The following EYA4 variants were observed in gnomAD, a reference collection of about 807,000 sequenced individuals.
EYA4 encodes EYA transcriptional coactivator and phosphatase 4.
A neutral mutation model predicts 87.9 loss-of-function variants in EYA4; 31 were observed. The ratio of observed to expected loss-of-function variants is 0.35; its 90% CI spans 0.27 to 0.48. EYA4 has a LOEUF of 0.48. Ranked by LOEUF, EYA4 falls within the 20% of genes least tolerant of loss-of-function variation. EYA4 has a pLI of 0.99. For synonymous variants in EYA4, 263 were observed against 270.6 expected (o/e 0.97, Z 0.28); for missense variants, 678 against 761.4 (o/e 0.89, Z 1.29).
chr6:133,249,428 C>T (rs1774700910), intron 1 of EYA4, among the ~76,000 whole-genome samples: 1 of 152,198 alleles, frequency 6.6e-6, no homozygotes, highest in Admixed American at 6.5e-5. Context: ...CACATTTGTT[C>T]ATGATTTTTA....
At chr6:133,253,039 G>C (rs1775049777) in intron 1 of EYA4, among the ~76,000 whole-genome samples, 1 of 151,708 alleles carries the variant, frequency 6.6e-6, no homozygotes, top group Non-Finnish European at 1.5e-5. Flanking sequence ...ATTTTGAAAT[G>C]TGTGCTTAGG....
rs72318662 is a variant in EYA4 at position 133,515,622 on chromosome 6, AGTGTGT to A, written c.1616+216_1616+221del. On this transcript the variant is annotated intron_variant, in intron 17 of 19. Coordinates refer to ENST00000355286, the MANE Select transcript of EYA4 (RefSeq NM_004100.5). The stretch of plus-strand genomic sequence containing the variant: ...GAGAGAGAGAGAGAGTGTGTGTGTG[AGTGTGT>A]GTGTGTGTGTGTGTGTGTGTGTGTG... 0.082 allele frequency among the ~76,000 whole-genome samples: 12,030 copies of A among 146,576 alleles called. 877 individuals are homozygous for A. The highest frequency in any genetic ancestry group is 0.2 in the African/African-American group (8,203 of 40,146).
intron 3 of EYA4, among the ~76,000 whole-genome samples, chr6:133,392,499 G>A (rs555695320): frequency 1.3e-5 from 2 of 152,206 alleles, no homozygotes; most frequent in Non-Finnish European, 2.9e-5. Context: ...CAGATCAACC[G>A]TGACTCAGGT....
At chr6:133,397,291 A>T (rs1787886183) in intron 3 of EYA4, among the ~76,000 whole-genome samples, 2 of 152,214 alleles carry the variant, frequency 1.3e-5, no homozygotes, top group South Asian at 4.1e-4. Context: ...AATAAGCTCC[A>T]GATCCTGAAT....
chr6:133,322,245 A>C (rs1389153253), intron 2 of EYA4, among the ~76,000 whole-genome samples: 1 of 152,210 alleles, frequency 6.6e-6, no homozygotes, highest in East Asian at 1.9e-4. Context: ...AGACATTATT[A>C]GTAGTGATAT....
At chr6:133,445,193 A>G (rs1792690726) in intron 3 of EYA4, among the ~76,000 whole-genome samples, 1 of 152,180 alleles carries the variant, frequency 6.6e-6, no homozygotes, top group Non-Finnish European at 1.5e-5. Context: ...ACTTCATGCC[A>G]AATGAAAGAA....
At chr6:133,302,795 GTT>G (rs1779514370) in intron 2 of EYA4, among the ~76,000 whole-genome samples, 1 of 152,246 alleles carries the variant, frequency 6.6e-6, no homozygotes, top group African/African-American at 2.4e-5. Flanking sequence ...TTTTTGAAAA[GTT>G]CGTAGAATTT....
intron 2 of EYA4, among the ~76,000 whole-genome samples, chr6:133,292,788 G>T (rs34395775): frequency 0.1 from 15,702 of 152,268 alleles, 934 homozygotes; most frequent in South Asian, 0.14. Flanking sequence ...GAATAAGTCT[G>T]TTTAAATATT....
At chr6:133,380,889 C>G (rs1020048033) in intron 2 of EYA4, among the ~76,000 whole-genome samples, 3 of 137,334 alleles carry the variant, frequency 2.2e-5, no homozygotes, top group Non-Finnish European at 4.7e-5. Context: ...TCTTCTTCTT[C>G]CCTCCCCTCC....
At chr6:133,459,113 T>C (rs1187733978) in intron 6 of EYA4, among the ~76,000 whole-genome samples, 1 of 152,176 alleles carries the variant, frequency 6.6e-6, no homozygotes, top group African/African-American at 2.4e-5. Flanking sequence ...TTTTCAGTTA[T>C]CTGCAAATTT....
intron 2 of EYA4, among the ~76,000 whole-genome samples, chr6:133,283,349 TATA>T (rs1177945954): frequency 2.6e-5 from 4 of 152,010 alleles, no homozygotes; most frequent in African/African-American, 7.2e-5. Flanking sequence ...ATGATAGAAA[TATA>T]ATCTCTTTCA....
At chr6:133,439,369 C>T (rs1009434312) in intron 3 of EYA4, 1 of 152,180 alleles carries the variant, frequency 6.6e-6, no homozygotes, top group Non-Finnish European at 1.5e-5. Context: ...TTATGGCTTA[C>T]ACACCATTTC....
chr6:133,493,639 C>T (rs1797379249), intron 13 of EYA4, among the ~76,000 whole-genome samples: 1 of 152,050 alleles, frequency 6.6e-6, no homozygotes, highest in Non-Finnish European at 1.5e-5. Flanking sequence ...AGAACACAGT[C>T]AACAAAGTGA....
At chr6:133,390,667 T>C (rs1347328792) in intron 3 of EYA4, among the ~76,000 whole-genome samples, 1 of 152,228 alleles carries the variant, frequency 6.6e-6, no homozygotes, top group Non-Finnish European at 1.5e-5. Context: ...ACATAGGTAA[T>C]GTTTTCCATC....
intron 1 of EYA4, among the ~76,000 whole-genome samples, chr6:133,264,006 C>T (rs1018951743): frequency 5.3e-5 from 8 of 152,198 alleles, no homozygotes; most frequent in Non-Finnish European, 8.8e-5. Context: ...GGAATGTACT[C>T]CCCCACTTTC....
At chr6:133,413,440 T>TG (rs1789421335) in intron 3 of EYA4, among the ~76,000 whole-genome samples, 1 of 152,026 alleles carries the variant, frequency 6.6e-6, no homozygotes, top group African/African-American at 2.4e-5. Context: ...TTTTTTTTTT[T>TG]TTGGGCCTTT....
At chr6:133,443,818 G>C (rs553991764) in intron 3 of EYA4, among the ~76,000 whole-genome samples, 10 of 151,902 alleles carry the variant, frequency 6.6e-5, no homozygotes, top group Admixed American at 1.3e-4. Flanking sequence ...TCAAATGTTG[G>C]GGATTTTTTA....
chr6:133,457,420 A>G (rs1270646743), intron 6 of EYA4, among the ~76,000 whole-genome samples: 1 of 152,156 alleles, frequency 6.6e-6, no homozygotes, highest in African/African-American at 2.4e-5. Flanking sequence ...ATTTGTGGTA[A>G]TTGAATCTCG....
chr6:133,351,759 T>G (rs539014710), intron 2 of EYA4, among the ~76,000 whole-genome samples: 23 of 152,310 alleles, frequency 1.5e-4, no homozygotes, highest in Non-Finnish European at 2.6e-4. Flanking sequence ...TGAATGATGT[T>G]GAGAAAGATT....
Sources: gnomAD v4.1 joint callset for allele counts (sites outside exome capture counted in the v4.1 genomes callset) on GRCh38, gnomAD v4.1.1 for gene constraint, MANE v1.5 for transcripts, NCBI Gene and HGNC (gene_info 2026-07-23, HGNC 2026-07-21) for gene names.